The following CACTIN variants were observed in gnomAD, a reference collection of about 807,000 sequenced individuals.
The protein encoded by CACTIN is splicing factor Cactin.
A neutral mutation model predicts 84.9 loss-of-function variants in CACTIN; 20 were observed. The ratio of observed to expected loss-of-function variants is 0.24; its 90% CI spans 0.17 to 0.34. The LOEUF (loss-of-function observed/expected upper bound fraction) is 0.34, where lower values mean the gene tolerates loss of function less well. Among genes scored for constraint, CACTIN ranks in the 10% least tolerant of loss-of-function variants. The probability of loss-of-function intolerance (pLI) is 1.00; values close to 1 mark genes in which losing one functional copy is unlikely to be tolerated. For synonymous variants in CACTIN, 549 were observed against 467.9 expected (o/e 1.17, Z -2.24); for missense variants, 897 against 1,117.2 (o/e 0.80, Z 2.81).
At chr19:3,613,716 G>A in intron 7 of CACTIN, 130 bp from the exon 8 acceptor site, 1 of 1,352,554 alleles carries the variant, frequency 7.4e-7, no homozygotes, top group South Asian at 1.4e-5. Flanking sequence ...GCTCTGGCTG[G>A]GACCTTTGCC....
intron 3 of CACTIN, 184 bp downstream of exon 3, chr19:3,620,523 C>T: frequency 1.5e-6 from 1 of 662,472 alleles, no homozygotes; most frequent in Non-Finnish European, 2.6e-6. Context: ...GGCCCGAGGC[C>T]AGCAGAGCCG....
At position 3,613,600 on chromosome 19, in the gene CACTIN, C is replaced by T; in HGVS notation, c.1356-14G>A. Reference sequence around the variant, plus strand: ...CGCTCACGCAGCCTGGGACGCAGAGCCGGGGTCACCCGCATGGAGGCGAAG... The same window carrying T: ...CGCTCACGCAGCCTGGGACGCAGAGTCGGGGTCACCCGCATGGAGGCGAAG... On this transcript the variant is annotated splice_polypyrimidine_tract_variant and intron_variant, in intron 7 of 9. Transcript: ENST00000429344. The T allele has an allele frequency of 6.3e-7, 1 of 1,592,242 alleles. No individual in the cohort carries two copies. Among genetic ancestry groups the T allele is most frequent in the Admixed American group, 1.7e-5 (1 of 58,814 alleles).
chr19:3,618,551 A>C (rs905713344), intron 6 of CACTIN, among the ~76,000 whole-genome samples: 1 of 152,238 alleles, frequency 6.6e-6, no homozygotes, highest in South Asian at 2.1e-4. Flanking sequence ...TTGCTGTCAA[A>C]CAGGCAGAGC....
chr19:3,620,608 A>G (rs73920180), intron 3 of CACTIN, 99 bp downstream of exon 3: 15,153 of 924,628 alleles, frequency 0.016, 287 homozygotes, highest in African/African-American at 0.079. Flanking sequence ...GCCAGCCCCC[A>G]GGACTTCCCA....
chr19:3,614,827 C>T, intron 6 of CACTIN: 4 of 568,092 alleles, frequency 7.0e-6, no homozygotes, highest in South Asian at 6.0e-5. Context: ...GAGGCCTTGA[C>T]CTGGAGGCCC....
Position 3,620,229 on chromosome 19 carries a change from C to T in CACTIN, c.782G>A (p.Arg261His), listed in dbSNP as rs371376477. ...RLEREREKAM[R>H]EQELEMLQRE... is the part of the protein sequence containing the mutation. Reference sequence around the variant, plus strand: ...CTGCAGCATCTCCAGCTCCTGCTCGCGCATGGCCTTCTCCCGCTCCCGCTC... The same window carrying T: ...CTGCAGCATCTCCAGCTCCTGCTCGTGCATGGCCTTCTCCCGCTCCCGCTC... The change falls in exon 4 of 10, where the codon CGC (arginine) becomes CAC (histidine). Residue 261 changes from arginine to histidine, a missense_variant. Physicochemically the swap from Arg to His is conservative, Grantham distance 29. Transcript: ENST00000429344. The T allele has an allele frequency of 1.1e-5, 18 of 1,598,484 alleles. No homozygotes were observed. Among genetic ancestry groups the T allele is most frequent in the African/African-American group, 9.4e-5 (7 of 74,732 alleles).
rs1160199131 is a variant in CACTIN at position 3,613,657 on chromosome 19, C to G, written c.1356-71G>C. The G allele has an allele frequency of 1.1e-5, 17 of 1,534,648 alleles. No homozygotes were observed. The South Asian group carries it at 2.0e-4, about 18-fold the overall frequency. On this transcript the variant is annotated intron_variant, in intron 7 of 9. Transcript: ENST00000429344. ...CGCGCCCCACCCCCACCGAGATTCT[C>G]ACGCCCCTTATTGCTGCAAGGACCC...
intron 6 of CACTIN, among the ~76,000 whole-genome samples, chr19:3,618,185 G>A (rs1239053987): frequency 6.8e-6 from 1 of 146,732 alleles, no homozygotes; most frequent in Non-Finnish European, 1.5e-5. Flanking sequence ...ACCGGGGGGG[G>A]GGGGGGTCTC....
chr19:3,624,333 A>G (rs1367949369), intron 1 of CACTIN, among the ~76,000 whole-genome samples, 171 bp from the exon 2 acceptor site: 1 of 152,232 alleles, frequency 6.6e-6, no homozygotes, highest in East Asian at 1.9e-4. Context: ...GGTGGGCCCC[A>G]ACAAGGAAGA....
chr19:3,624,693 A>T (rs544243157), intron 1 of CACTIN, among the ~76,000 whole-genome samples: 1 of 152,218 alleles, frequency 6.6e-6, no homozygotes, highest in East Asian at 1.9e-4. Context: ...GGTACGAACC[A>T]GGGGACCCGA....
chr19:3,613,266 G>GGCGCCC lies in CACTIN; in HGVS notation c.1577_1578insGGGCGC (p.Asp526delinsGluGlyAla), dbSNP rs2033014172. On this transcript the variant is annotated protein_altering_variant, in exon 9 of 10. Coordinates refer to ENST00000429344, the MANE Select transcript of CACTIN (RefSeq NM_001080543.2). The stretch of plus-strand genomic sequence containing the variant: ...CCTCGCCCTCACCGTCCCCGTCGCC[G>GGCGCCC]TCGCCCTCTGTCGGGGTCGCGCCGT... 6.2e-7 allele frequency: 1 copy of GGCGCCC among 1,607,746 alleles called. No homozygotes were observed. Among genetic ancestry groups the GGCGCCC allele is most frequent in the African/African-American group, 1.3e-5 (1 of 74,766 alleles).
At position 3,613,508 on chromosome 19, in the gene CACTIN, C is replaced by T; in HGVS notation, c.1434G>A (p.Pro478=). The change falls in exon 8 of 10, where the codon CCG becomes CCA. Residue 478 remains proline, a synonymous_variant. Transcript: ENST00000429344. ...LKQEQGVESE[P]LFPILKQEPQ... is the part of the protein sequence containing the mutation. Reference sequence around the variant, plus strand: ...GCTCCTGCTTGAGGATGGGGAACAGCGGCTCGCTCTCCACGCCCTGCTCCT... The same window carrying T: ...GCTCCTGCTTGAGGATGGGGAACAGTGGCTCGCTCTCCACGCCCTGCTCCT... 3 of 1,584,906 alleles carry T rather than the reference C, an allele frequency of 1.9e-6. No individual in the cohort carries two copies. Among genetic ancestry groups the T allele is most frequent in the South Asian group, 1.1e-5 (1 of 87,608 alleles).
At position 3,623,807 on chromosome 19, in the gene CACTIN, CCTT is replaced by C; in HGVS notation, c.520_522del (p.Lys174del). On this transcript the variant is annotated inframe_deletion, in exon 2 of 10. Transcript: ENST00000429344. ...TCCCGCTTCTTGCGCTCCTTGGCCT[CCTT>C]CTTGGCCAGCCGCCGTGCGCGCTTC... 6.2e-7 allele frequency: 1 copy of C among 1,613,794 alleles called. No homozygotes were observed. Among genetic ancestry groups the C allele is most frequent in the African/African-American group, 1.3e-5 (1 of 75,078 alleles).
chr19:3,613,785 C>T (rs1299226110), intron 7 of CACTIN, 199 bp from the exon 8 acceptor site: 14 of 651,572 alleles, frequency 2.1e-5, no homozygotes, highest in Middle Eastern at 4.3e-4. Context: ...GACGCAGGTA[C>T]CCTGGTGAAC....
chr19:3,623,975 C>T lies in CACTIN; in HGVS notation c.355G>A (p.Ala119Thr), dbSNP rs764453544. 25 of 1,603,970 alleles carry T rather than the reference C, an allele frequency of 1.6e-5. No homozygotes were observed. The highest frequency in any genetic ancestry group is 1.7e-4 in the Middle Eastern group (1 of 6,036). The change falls in exon 2 of 10, where the codon GCG becomes ACG. Residue 119 changes from alanine (A) to threonine (T), a missense_variant. Around this residue, in one of 8 missense-constraint regions of CACTIN, gnomAD observed 261 missense variants for 243.8 expected, o/e 1.07. Transcript: ENST00000429344. ...WSPSSSASSS[A>T]SPGRSQSPRA... Reference sequence around the variant, plus strand: ...GGGCTCTGGGATCGCCCTGGAGACGCGGAGCTGGATGCTGAGGAGCTAGGA... The same window carrying T: ...GGGCTCTGGGATCGCCCTGGAGACGTGGAGCTGGATGCTGAGGAGCTAGGA...
At chr19:3,618,336 C>G (rs1038669747) in intron 6 of CACTIN, among the ~76,000 whole-genome samples, 1 of 152,122 alleles carries the variant, frequency 6.6e-6, no homozygotes, top group Non-Finnish European at 1.5e-5. Flanking sequence ...CGGCCCCACC[C>G]TAGGGAACGG....
chr19:3,619,493 G>C (rs941253156), intron 4 of CACTIN, among the ~76,000 whole-genome samples: 1 of 152,332 alleles, frequency 6.6e-6, no homozygotes, highest in African/African-American at 2.4e-5. Flanking sequence ...CCAGGTGGGA[G>C]GGGCTTCCTG....
At chr19:3,618,792 G>A (rs964906880) in intron 6 of CACTIN, 83 bp downstream of exon 6, 2 of 1,114,202 alleles carry the variant, frequency 1.8e-6, no homozygotes, top group Admixed American at 4.5e-5. Context: ...AGAGCACCAG[G>A]CCCCACAGCA....
intron 1 of CACTIN, 143 bp from the exon 2 acceptor site, chr19:3,624,305 T>C (rs2033290586): frequency 1.4e-6 from 1 of 734,796 alleles, no homozygotes; most frequent in South Asian, 1.9e-5. Context: ...GGCTTCTGCC[T>C]TCCTGGGCTC....
Sources: gnomAD v4.1 joint callset for allele counts (sites outside exome capture counted in the v4.1 genomes callset) on GRCh38, gnomAD v4.1.1 for gene constraint, gnomAD v4.1.1 regional missense constraint, MANE v1.5 for transcripts, NCBI Gene and HGNC (gene_info 2026-07-23, HGNC 2026-07-21) for gene names.